ITGB8: variants seen among roughly 807,000 people sequenced by gnomAD.
ITGB8 encodes integrin subunit beta 8.
Under a neutral mutation model 89.5 loss-of-function variants are expected in ITGB8, and 30 were observed. The observed-to-expected ratio is 0.34, with a 90% CI of 0.25 to 0.45. The LOEUF (loss-of-function observed/expected upper bound fraction) is 0.45. ITGB8 is among the 20% of genes least tolerant of loss of function. The probability of loss-of-function intolerance (pLI) is 1.00; values close to 1 mark genes in which losing one functional copy is unlikely to be tolerated. For missense variants in ITGB8, 836 were observed against 933.3 expected (o/e 0.90, Z 1.36); for synonymous variants, 335 against 320.4 (o/e 1.05, Z -0.49).
chr7:20,387,228 GAA>G (rs1156742084), intron 6 of ITGB8, among the ~76,000 whole-genome samples: 1 of 152,142 alleles, frequency 6.6e-6, no homozygotes, highest in Non-Finnish European at 1.5e-5. Context: ...AATGAGGAGG[GAA>G]AAAGGTGCTA....
intron 3 of ITGB8, among the ~76,000 whole-genome samples, chr7:20,372,448 C>T (rs1433753221): frequency 6.6e-6 from 1 of 152,092 alleles, no homozygotes; most frequent in African/African-American, 2.4e-5. Flanking sequence ...GTGGGACTCC[C>T]AGGATCTGGC....
chr7:20,394,916 A>C lies in ITGB8; in HGVS notation c.1077A>C (p.Pro359=). The change falls in exon 8 of 14, where the codon CCA becomes CCC. Residue 359 remains proline, a synonymous_variant. Transcript: ENST00000222573. ...HWYKDLLPLL[P]GTIAGEIESK... ...TATAGGATCTTCTACCCCTCTTGCC[A>C]GGCACCATTGCTGGTGAAATAGAAT... is the stretch of plus-strand genomic sequence containing the variant. 1 of 1,613,166 alleles carries C rather than the reference A, an allele frequency of 6.2e-7. No individual in the cohort carries two copies. The highest frequency in any genetic ancestry group is 8.5e-7 in the Non-Finnish European group (1 of 1,179,122).
intron 1 of ITGB8, among the ~76,000 whole-genome samples, chr7:20,332,396 A>G (rs206201): frequency 0.89 from 134,702 of 152,184 alleles, 59,756 homozygotes; most frequent in East Asian, 0.99. Flanking sequence ...GTCCAGAAAA[A>G]GACAGCATAC....
At chr7:20,388,712 G>A (rs559814800) in intron 6 of ITGB8, among the ~76,000 whole-genome samples, 5 of 151,780 alleles carry the variant, frequency 3.3e-5, no homozygotes, top group Non-Finnish European at 5.9e-5. Flanking sequence ...ATGTATACAC[G>A]TGCCATGGTG....
chr7:20,394,784 T>C (rs1351753717), intron 7 of ITGB8, 112 bp from the exon 8 acceptor site: 3 of 727,596 alleles, frequency 4.1e-6, no homozygotes, highest in Admixed American at 2.4e-5. Flanking sequence ...AGGTTTTCAT[T>C]CATTTAATGG....
Position 20,369,629 on chromosome 7 carries a change from ACAATT to A in ITGB8, c.388+2446_388+2450del, listed in dbSNP as rs1229569195. Among the ~76,000 whole-genome samples the A allele has an allele frequency of 3.9e-5, 6 of 152,332 alleles. No individual in the cohort carries two copies. In the East Asian group the frequency reaches 1.2e-3, roughly 29 times the overall value. Reference sequence around the variant, plus strand: ...CTCCAACATATGAATTTTTCGGAACACAATTCAGTCGATAGCATTTGATACATAAA... The same window carrying A: ...CTCCAACATATGAATTTTTCGGAACACAGTCGATAGCATTTGATACATAAA... On this transcript the variant is annotated intron_variant, in intron 3 of 13. Transcript: ENST00000222573.
intron 1 of ITGB8, among the ~76,000 whole-genome samples, chr7:20,349,984 A>G (rs1036171066): frequency 1.1e-4 from 16 of 152,198 alleles, no homozygotes; most frequent in African/African-American, 3.1e-4. Context: ...GAACCCTTCC[A>G]CCCACCAAAG....
In ITGB8 at chr7:20,413,885, T is replaced by C. The variant is rs1052779217; in HGVS notation, c.*3888T>C. The C allele has an allele frequency of 1.3e-4, 20 of 152,154 alleles. No homozygotes were observed. Among genetic ancestry groups the C allele is most frequent in the Non-Finnish European group, 2.1e-4 (14 of 67,958 alleles). 9.4% of individuals were successfully genotyped at this position (152,154 alleles called of 1,614,324 possible). ...TATTTAATTTACAACTATCCTTATT[T>C]ATATTGACCTCAAGAACTCCATTTT... is the stretch of plus-strand genomic sequence containing the variant. On this transcript the variant is annotated 3_prime_UTR_variant, in exon 14 of 14. Coordinates refer to ENST00000222573, the MANE Select transcript of ITGB8 (RefSeq NM_002214.3).
At chr7:20,337,657 C>T (rs146501493) in intron 1 of ITGB8, among the ~76,000 whole-genome samples, 5 of 152,252 alleles carry the variant, frequency 3.3e-5, no homozygotes, top group Middle Eastern at 3.4e-3. Flanking sequence ...CCCAGAATTC[C>T]GATCTGTGTG....
intron 1 of ITGB8, among the ~76,000 whole-genome samples, chr7:20,362,042 A>C (rs533264297): frequency 6.6e-6 from 1 of 152,154 alleles, no homozygotes; most frequent in Non-Finnish European, 1.5e-5. Flanking sequence ...TGCTTACTCC[A>C]TTGAGTGTCT....
intron 1 of ITGB8, among the ~76,000 whole-genome samples, chr7:20,354,998 C>G (rs1021886193): frequency 8.5e-5 from 13 of 152,190 alleles, no homozygotes; most frequent in Non-Finnish European, 1.8e-4. Context: ...ATTGCTAGTG[C>G]CCCACCCATG....
Position 20,382,051 on chromosome 7 carries a change from C to G in ITGB8, c.960+166C>G, listed in dbSNP as rs181811251. On this transcript the variant is annotated intron_variant, in intron 6 of 13. Transcript: ENST00000222573. ...TATGGAACAGTGCAATCTATAAATA[C>G]TGATCAATAAAATATATGAATAAAA... 702 of 519,202 alleles carry G rather than the reference C, an allele frequency of 1.4e-3. 4 individuals are homozygous for G. Among genetic ancestry groups the G allele is most frequent in the South Asian group, 5.0e-3 (138 of 27,742 alleles). The allele number at this position is 519,202 out of a possible 1,614,324, so 32.2% of individuals were successfully genotyped here. A position where few individuals can be genotyped will look rare whatever the true frequency, so the allele number is the denominator to read the frequency against.
At chr7:20,358,149 T>C (rs1330166165) in intron 1 of ITGB8, among the ~76,000 whole-genome samples, 1 of 151,904 alleles carries the variant, frequency 6.6e-6, no homozygotes, top group African/African-American at 2.4e-5. Context: ...GTATCTTTAG[T>C]AGAGACGGGG....
intron 10 of ITGB8, among the ~76,000 whole-genome samples, chr7:20,402,995 A>G (rs1261691310): frequency 1.3e-5 from 2 of 152,222 alleles, no homozygotes; most frequent in African/African-American, 4.8e-5. Flanking sequence ...GCATTTTAGT[A>G]AATAAATATT....
At chr7:20,360,639 C>T (rs1387793049) in intron 1 of ITGB8, among the ~76,000 whole-genome samples, 1 of 149,588 alleles carries the variant, frequency 6.7e-6, no homozygotes, top group East Asian at 2.0e-4. Flanking sequence ...GGATAATGGC[C>T]TCCAATTCCA....
chr7:20,398,787 TA>T, intron 8 of ITGB8, 72 bp from the exon 9 acceptor site: 1 of 1,076,880 alleles, frequency 9.3e-7, no homozygotes, highest in Non-Finnish European at 1.3e-6. Flanking sequence ...AATGATTTAA[TA>T]AGCTTGACTC....
At chr7:20,349,204 A>G (rs1785030892) in intron 1 of ITGB8, among the ~76,000 whole-genome samples, 1 of 152,150 alleles carries the variant, frequency 6.6e-6, no homozygotes, top group African/African-American at 2.4e-5. Context: ...GAATTTTAGA[A>G]AAGACAAATA....
chr7:20,385,534 G>C (rs1195007772), intron 6 of ITGB8, among the ~76,000 whole-genome samples: 2 of 152,184 alleles, frequency 1.3e-5, no homozygotes, highest in African/African-American at 2.4e-5. Context: ...TAGCTGCTGA[G>C]TCGATCAGCA....
At position 20,414,348 on chromosome 7, in the gene ITGB8, A is replaced by G. The variant is rs1405423126; in HGVS notation, c.*4351A>G. On this transcript the variant is annotated 3_prime_UTR_variant, in exon 14 of 14. Coordinates refer to ENST00000222573, the MANE Select transcript of ITGB8 (RefSeq NM_002214.3). ...AAAGCTCTTTCAGGTCCCCATTTAT[A>G]CTTTACGTGAGTGCGAATGATTTCA... 6 of 152,218 alleles carry G rather than the reference A, an allele frequency of 3.9e-5. No homozygotes were observed. The highest frequency in any genetic ancestry group is 7.4e-5 in the Non-Finnish European group (5 of 67,996). 9.4% of individuals were successfully genotyped at this position (152,218 alleles called of 1,614,324 possible). A position where few individuals can be genotyped will look rare whatever the true frequency, so the allele number is the denominator to read the frequency against.
Sources: gnomAD v4.1 joint callset for allele counts (sites outside exome capture counted in the v4.1 genomes callset) on GRCh38, gnomAD v4.1.1 for gene constraint, MANE v1.5 for transcripts, NCBI Gene and HGNC (gene_info 2026-07-23, HGNC 2026-07-21) for gene names.